Variants in C13orf46 observed in about 807,000 individuals in gnomAD.
C13orf46 encodes the protein chromosome 13 open reading frame 46.
the C13orf46 span, chr13:113,928,844 TG>T: frequency 6.6e-6 from 1 of 152,522 alleles, no homozygotes; most frequent in Non-Finnish European, 1.5e-5. Flanking sequence ...GTGGTGTCCC[TG>T]GGTCACCGTG....
At chr13:113,927,962 TC>T in the C13orf46 span, 2,116 of 236,640 alleles carry the variant, frequency 8.9e-3, 38 homozygotes, top group African/African-American at 0.044. Context: ...AGGCCAGTTT[TC>T]CCTGAGAGAG....
intron 6 of C13orf46, among the ~76,000 whole-genome samples, chr13:113,959,401 T>C (rs960619037): frequency 2.0e-5 from 3 of 152,194 alleles, no homozygotes; most frequent in Non-Finnish European, 4.4e-5. Context: ...GGCTGTCTGA[T>C]TGGCTAGGAT....
chr13:113,936,739 G>A, the C13orf46 span, among the ~76,000 whole-genome samples: 5 of 152,144 alleles, frequency 3.3e-5, no homozygotes, highest in African/African-American at 1.2e-4. Flanking sequence ...TGCAGTCGTC[G>A]GGGTGTGGGA....
At position 113,954,346 on chromosome 13, in the gene C13orf46, A is replaced by G. The variant is rs1269748141; in HGVS notation, c.*2427T>C. The G allele has an allele frequency of 1.3e-5, 2 of 152,338 alleles. No homozygotes were observed. The highest frequency in any genetic ancestry group is 4.8e-5 in the African/African-American group (2 of 41,448). The allele number at this position is 152,338 out of a possible 1,614,324, so 9.4% of individuals were successfully genotyped here. On this transcript the variant is annotated 3_prime_UTR_variant, in exon 7 of 7. Coordinates refer to ENST00000636427, the MANE Select transcript of C13orf46 (RefSeq NM_001365455.2). ...AGCATGTATGTGCTGTGTACATATGAATATGCACGTGTGCGTGTCTGAACG... is the reference window on the plus strand; with the variant it reads ...AGCATGTATGTGCTGTGTACATATGGATATGCACGTGTGCGTGTCTGAACG...
At chr13:113,972,764 G>A (rs751816511) in intron 1 of C13orf46, among the ~76,000 whole-genome samples, 1 of 152,206 alleles carries the variant, frequency 6.6e-6, no homozygotes, top group African/African-American at 2.4e-5. Context: ...TCCTGGCAGG[G>A]ACCCAGGCCC....
chr13:113,950,426 C>A (rs1190483487), downstream of C13orf46, among the ~76,000 whole-genome samples: 2 of 147,288 alleles, frequency 1.4e-5, no homozygotes, highest in African/African-American at 5.0e-5. Flanking sequence ...CCTCACTGCT[C>A]CCATCTGTAG....
the C13orf46 span, among the ~76,000 whole-genome samples, chr13:113,933,642 T>A: frequency 6.6e-6 from 1 of 152,310 alleles, no homozygotes; most frequent in East Asian, 1.9e-4. Context: ...TTAGGCCTTT[T>A]TTCATTCCTC....
intron 2 of C13orf46, among the ~76,000 whole-genome samples, chr13:113,969,328 G>A (rs1158307202): frequency 1.3e-5 from 2 of 152,366 alleles, no homozygotes; most frequent in East Asian, 1.9e-4. Flanking sequence ...CTTGGCCAAC[G>A]TGAGCAGACG....
chr13:113,926,597 G>A, the C13orf46 span: 1 of 152,348 alleles, frequency 6.6e-6, no homozygotes, highest in South Asian at 2.1e-4. Context: ...GTGGTTTCCA[G>A]AGGATGGGGA....
At chr13:113,966,526 G>GTGA (rs1199152761) in intron 5 of C13orf46, among the ~76,000 whole-genome samples, 1 of 150,614 alleles carries the variant, frequency 6.6e-6, no homozygotes, top group African/African-American at 2.4e-5. Context: ...GATGGTGAAG[G>GTGA]TGATGATGGT....
chr13:113,946,378 G>C, the C13orf46 span, among the ~76,000 whole-genome samples: 6 of 152,236 alleles, frequency 3.9e-5, no homozygotes, highest in East Asian at 1.2e-3. Context: ...GTCCCCCTCT[G>C]TGGTGGGGCA....
the C13orf46 span, among the ~76,000 whole-genome samples, chr13:113,947,969 C>T: frequency 6.6e-6 from 1 of 152,230 alleles, no homozygotes; most frequent in East Asian, 1.9e-4. Context: ...TCTAGGAGCC[C>T]ATGTCCAGCC....
chr13:113,971,688 G>T (rs373701133), intron 1 of C13orf46, among the ~76,000 whole-genome samples: 1 of 152,196 alleles, frequency 6.6e-6, no homozygotes, highest in Non-Finnish European at 1.5e-5. Context: ...TGAAGTGGAC[G>T]CGGCGTCTCA....
the C13orf46 span, among the ~76,000 whole-genome samples, chr13:113,929,825 G>A: frequency 1.4e-4 from 21 of 152,312 alleles, no homozygotes; most frequent in African/African-American, 4.8e-4. Flanking sequence ...CCATACCTGT[G>A]ATTGCCATGT....
At chr13:113,943,112 G>A in the C13orf46 span, among the ~76,000 whole-genome samples, 1,868 of 152,266 alleles carry the variant, frequency 0.012, 39 homozygotes, top group African/African-American at 0.042. Context: ...GCTCCGGGCC[G>A]GGGTCAGACA....
At position 113,965,630 on chromosome 13, in the gene C13orf46, T is replaced by C. The variant is rs992078341; in HGVS notation, c.505-636A>G. Among the ~76,000 whole-genome samples the C allele has an allele frequency of 9.4e-3, 1,433 of 152,206 alleles. 26 individuals are homozygous for C. The highest frequency in any genetic ancestry group is 0.033 in the African/African-American group (1,364 of 41,508). ...ACTATACTGGTGATGGTGGTGATGATGACAGTGATGATGATTGTGACAATG... is the reference window on the plus strand; with the variant it reads ...ACTATACTGGTGATGGTGGTGATGACGACAGTGATGATGATTGTGACAATG... On this transcript the variant is annotated intron_variant, in intron 5 of 6. Coordinates refer to ENST00000636427, the MANE Select transcript of C13orf46 (RefSeq NM_001365455.2).
the C13orf46 span, among the ~76,000 whole-genome samples, chr13:113,942,743 A>T: frequency 2.6e-5 from 4 of 152,202 alleles, no homozygotes; most frequent in Non-Finnish European, 4.4e-5. Context: ...CCCCTGGGCC[A>T]GCGGGCTCCA....
chr13:113,945,571 A>AGAGAGAGAG, the C13orf46 span, among the ~76,000 whole-genome samples: 3 of 72,362 alleles, frequency 4.1e-5, no homozygotes, highest in African/African-American at 1.7e-4. Flanking sequence ...GAAAGAAAGA[A>AGAGAGAGAG]AGAAAGAGAG....
intron 1 of C13orf46, 32 bp downstream of exon 1, chr13:113,973,776 C>T (rs1594258992): frequency 6.6e-6 from 1 of 152,372 alleles, no homozygotes; most frequent in East Asian, 1.9e-4. Context: ...GCCGCGCCGT[C>T]CACCCGCTCC....
Sources: allele counts gnomAD v4.1 joint callset (sites outside exome capture counted in the v4.1 genomes callset), GRCh38; gene constraint gnomAD v4.1.1; transcripts MANE v1.5; gene names NCBI Gene and HGNC (gene_info 2026-07-23, HGNC 2026-07-21).